GALNTL6: variants seen among roughly 807,000 people sequenced by gnomAD.
GALNTL6 encodes polypeptide N-acetylgalactosaminyltransferase like 6, also known as polypeptide N-acetylgalactosaminyltransferase-like 6.
Under a neutral mutation model 73.7 loss-of-function variants are expected in GALNTL6, and 46 were observed. The ratio of observed to expected loss-of-function variants is 0.62; its 90% CI spans 0.49 to 0.80. The LOEUF (loss-of-function observed/expected upper bound fraction) is 0.80, where lower values mean the gene tolerates loss of function less well. Among genes scored for constraint, GALNTL6 ranks in the 30% least tolerant of loss-of-function variants. The pLI, the probability that GALNTL6 is intolerant of heterozygous loss-of-function variation, is 0.00. For missense variants in GALNTL6, 604 were observed against 755.0 expected, an observed-to-expected ratio of 0.80 and a Z score of 2.34; for synonymous variants, 259 against 263.7, an observed-to-expected ratio of 0.98 and a Z score of 0.17.
chr4:172,207,820 G>C (rs1197116598), intron 2 of GALNTL6, among the ~76,000 whole-genome samples: 5 of 152,120 alleles, frequency 3.3e-5, no homozygotes, highest in Non-Finnish European at 7.3e-5. Flanking sequence ...TTCATAACTT[G>C]CACGCAGTAA....
At chr4:171,972,679 A>G (rs1739605269) in intron 2 of GALNTL6, among the ~76,000 whole-genome samples, 1 of 152,248 alleles carries the variant, frequency 6.6e-6, no homozygotes, top group East Asian at 1.9e-4. Context: ...TTGGACTTGA[A>G]CTAGCAATGT....
chr4:172,151,931 T>C (rs1734099506), intron 2 of GALNTL6, among the ~76,000 whole-genome samples: 1 of 145,616 alleles, frequency 6.9e-6, no homozygotes. Context: ...ATCTATAATA[T>C]AAATTTATAT....
chr4:172,746,241 C>T (rs1737102972), intron 5 of GALNTL6, among the ~76,000 whole-genome samples: 1 of 152,024 alleles, frequency 6.6e-6, no homozygotes, highest in Non-Finnish European at 1.5e-5. Flanking sequence ...TAATAAAAAT[C>T]TACCACACAA....
At chr4:172,143,781 T>C (rs72700952) in intron 2 of GALNTL6, among the ~76,000 whole-genome samples, 1,683 of 152,234 alleles carry the variant, frequency 0.011, 16 homozygotes, top group Middle Eastern at 0.051. Flanking sequence ...CTTACTTAGA[T>C]AGAACGTTTT....
rs915907680 is a variant in GALNTL6 at position 172,438,566 on chromosome 4, A to G, written c.553+89877A>G. Among the ~76,000 whole-genome samples the G allele has an allele frequency of 2.6e-5, 4 of 152,120 alleles. No individual in the cohort carries two copies. The South Asian group carries it at 8.3e-4, about 32-fold the overall frequency. ...CCTCAACCGTTATGACCTTCCCTCA[A>G]TTAATAGTATATGCCCTTGACAAAA... On this transcript the variant is annotated intron_variant, in intron 5 of 12. Coordinates refer to ENST00000506823, the MANE Select transcript of GALNTL6 (RefSeq NM_001034845.3).
chr4:171,900,907 G>A (rs1737072218), intron 2 of GALNTL6, among the ~76,000 whole-genome samples: 1 of 151,820 alleles, frequency 6.6e-6, no homozygotes, highest in Non-Finnish European at 1.5e-5. Context: ...TCAGAAACAT[G>A]GATTTGATTA....
At chr4:172,513,200 G>A (rs1240863581) in intron 5 of GALNTL6, among the ~76,000 whole-genome samples, 1 of 151,988 alleles carries the variant, frequency 6.6e-6, no homozygotes, top group East Asian at 1.9e-4. Flanking sequence ...GAAAAGCCTT[G>A]TCTTCAAGCT....
chr4:171,956,903 G>A (rs1418910498), intron 2 of GALNTL6, among the ~76,000 whole-genome samples: 1 of 152,110 alleles, frequency 6.6e-6, no homozygotes, highest in Non-Finnish European at 1.5e-5. Flanking sequence ...CTTCCGAGTT[G>A]TAGAAACTGC....
chr4:172,914,101 C>A (rs918445719), intron 8 of GALNTL6, among the ~76,000 whole-genome samples: 6 of 152,154 alleles, frequency 3.9e-5, no homozygotes, highest in Non-Finnish European at 5.9e-5. Flanking sequence ...ATTCAACATT[C>A]TTAAAGAAAA....
intron 5 of GALNTL6, among the ~76,000 whole-genome samples, chr4:172,370,169 G>A (rs1742742596): frequency 1.3e-5 from 2 of 152,160 alleles, no homozygotes; most frequent in Non-Finnish European, 1.5e-5. Context: ...CCAGTGGAAG[G>A]GCCAGTGGGT....
intron 2 of GALNTL6, among the ~76,000 whole-genome samples, chr4:171,909,581 G>A (rs10520212): frequency 4.6e-5 from 7 of 152,110 alleles, no homozygotes; most frequent in Admixed American, 4.6e-4. Flanking sequence ...AAGGTCTAAT[G>A]TAACTGAGGA....
At chr4:172,496,762 G>A (rs749370557) in intron 5 of GALNTL6, among the ~76,000 whole-genome samples, 5 of 152,082 alleles carry the variant, frequency 3.3e-5, no homozygotes, top group South Asian at 2.1e-4. Flanking sequence ...ATGTAGTAGC[G>A]ATACTGGTGA....
chr4:172,122,877 G>A (rs1179388377), intron 2 of GALNTL6, among the ~76,000 whole-genome samples: 1 of 151,584 alleles, frequency 6.6e-6, no homozygotes, highest in Non-Finnish European at 1.5e-5. Context: ...AAAAAGGTTG[G>A]ACTGGAGAAA....
At chr4:172,028,523 A>C (rs1194265858) in intron 2 of GALNTL6, among the ~76,000 whole-genome samples, 1 of 152,066 alleles carries the variant, frequency 6.6e-6, no homozygotes, top group Non-Finnish European at 1.5e-5. Context: ...AAAGAAATTT[A>C]GTTTTAGATT....
chr4:172,087,800 T>G (rs1161746787), intron 2 of GALNTL6, among the ~76,000 whole-genome samples: 1 of 151,470 alleles, frequency 6.6e-6, no homozygotes, highest in African/African-American at 2.4e-5. Flanking sequence ...GGCCAGTGAG[T>G]TTTTTTATCG....
intron 5 of GALNTL6, among the ~76,000 whole-genome samples, chr4:172,522,665 T>TAG: frequency 1.7e-5 from 1 of 59,396 alleles, no homozygotes; most frequent in East Asian, 1.2e-3. Flanking sequence ...TGAAACTCAG[T>TAG]CCCCCCCCCC....
At chr4:172,440,232 C>T (rs180949736) in intron 5 of GALNTL6, among the ~76,000 whole-genome samples, 1 of 152,118 alleles carries the variant, frequency 6.6e-6, no homozygotes, top group East Asian at 1.9e-4. Flanking sequence ...CTTGGAAAAA[C>T]CCAAGATGCT....
chr4:172,131,654 C>T (rs1733501560), intron 2 of GALNTL6, among the ~76,000 whole-genome samples: 1 of 151,458 alleles, frequency 6.6e-6, no homozygotes, highest in South Asian at 2.1e-4. Context: ...TCATTTTTAC[C>T]ACAGAATCTC....
chr4:172,812,937 G>A (rs1327136248), intron 6 of GALNTL6, among the ~76,000 whole-genome samples: 1 of 152,078 alleles, frequency 6.6e-6, no homozygotes, highest in Non-Finnish European at 1.5e-5. Context: ...ATATGATGAG[G>A]GAAGAAAATG....
Sources: gnomAD v4.1 joint callset for allele counts (sites outside exome capture counted in the v4.1 genomes callset) on GRCh38, gnomAD v4.1.1 for gene constraint, MANE v1.5 for transcripts, NCBI Gene and HGNC (gene_info 2026-07-23, HGNC 2026-07-21) for gene names.